Variants in CCHCR1 observed in about 807,000 individuals in gnomAD.
The protein encoded by CCHCR1 is coiled-coil alpha-helical rod protein 1, also known as HCR (a-helix coiled-coil rod homologue).
CCHCR1 carries 91 observed loss-of-function variants against 114.6 expected under a neutral mutation model. That is an observed-to-expected ratio of 0.79 (90% CI 0.67 to 0.94). CCHCR1 has a LOEUF of 0.94. Ranked by LOEUF, CCHCR1 falls within the 40% of genes least tolerant of loss-of-function variation. The pLI is 0.00. For synonymous variants in CCHCR1, 379 were observed against 428.5 expected (o/e 0.88, Z 1.43); for missense variants, 899 against 1,079.9 (o/e 0.83, Z 2.35).
intron 8 of CCHCR1, chr6:31,149,542 A>C (rs1465843367): frequency 6.6e-6 from 1 of 152,512 alleles, no homozygotes; most frequent in African/African-American, 2.4e-5. Context: ...TCCCAGCCTC[A>C]GGTGATCCTC....
At chr6:31,156,022 C>T (rs996076998) in intron 3 of CCHCR1, among the ~76,000 whole-genome samples, 7 of 152,206 alleles carry the variant, frequency 4.6e-5, no homozygotes, top group Non-Finnish European at 7.3e-5. Flanking sequence ...AGTGATCCTC[C>T]TGCCTCAGCT....
intron 17 of CCHCR1, 120 bp from the exon 18 acceptor site, chr6:31,142,836 G>A (rs1773730404): frequency 1.3e-6 from 2 of 1,498,074 alleles, no homozygotes; most frequent in African/African-American, 1.4e-5. Context: ...TCCAAGCTGG[G>A]CATCGCTAAA....
intron 1 of CCHCR1, 114 bp downstream of exon 1, chr6:31,157,271 G>T (rs1472374176): frequency 5.8e-6 from 6 of 1,043,098 alleles, no homozygotes; most frequent in Non-Finnish European, 8.6e-6. Flanking sequence ...TCTCAACCTG[G>T]TTCCTCATGG....
At chr6:31,155,850 T>C (rs928184440) in intron 3 of CCHCR1, among the ~76,000 whole-genome samples, 2 of 152,166 alleles carry the variant, frequency 1.3e-5, no homozygotes, top group Non-Finnish European at 2.9e-5. Flanking sequence ...GGCTGGATCA[T>C]AGGTCACTGC....
Position 31,150,309 on chromosome 6 carries a change from C to T in CCHCR1, c.1213-94G>A. 1 of 1,444,346 alleles carries T rather than the reference C, an allele frequency of 6.9e-7. No individual in the cohort carries two copies. Among genetic ancestry groups the T allele is most frequent in the Non-Finnish European group, 9.6e-7 (1 of 1,041,290 alleles). The allele number at this position is 1,444,346 out of a possible 1,614,324, so 89.5% of individuals were successfully genotyped here. A position where few individuals can be genotyped will look rare whatever the true frequency, so the allele number is the denominator to read the frequency against. On this transcript the variant is annotated intron_variant, in intron 7 of 17. Coordinates refer to ENST00000396268, the MANE Select transcript of CCHCR1 (RefSeq NM_001105564.2). This position sits in a 1 kb window ranked among gnomAD's most constrained non-coding sequence, Gnocchi z 5.3. ...TTTCTCCTCTGTCCTGCCTGGGCAA[C>T]ATGAGCTACAGCAAGAGGAGTTCAC...
In CCHCR1 at chr6:31,143,481, G is replaced by T; in HGVS notation, c.2168-68C>A. The T allele has an allele frequency of 6.4e-7, 1 of 1,561,074 alleles. No individual in the cohort carries two copies. On this transcript the variant is annotated intron_variant, in intron 15 of 17. Coordinates refer to ENST00000396268, the MANE Select transcript of CCHCR1 (RefSeq NM_001105564.2). The surrounding 1 kb of genome is among the most constrained non-coding windows in gnomAD (Gnocchi z 5.3). ...GCCAGAGGCAGCCAGGCACCATGAA[G>T]ACAGGAACAAACGCTGGGTCACCAA...
Position 31,154,881 on chromosome 6 carries a change from G to A in CCHCR1, c.498-82C>T. The stretch of plus-strand genomic sequence containing the variant: ...AGGGCATAAACATAGCCAGGAGAAG[G>A]AAAAGAGGACCCCTCTGCTTCCGTG... On this transcript the variant is annotated intron_variant, in intron 3 of 17. Coordinates refer to ENST00000396268, the MANE Select transcript of CCHCR1 (RefSeq NM_001105564.2). This position sits in a 1 kb window ranked among gnomAD's most constrained non-coding sequence, Gnocchi z 4.1. 1.9e-5 allele frequency: 25 copies of A among 1,323,632 alleles called. No homozygotes were observed. Among genetic ancestry groups the A allele is most frequent in the Non-Finnish European group, 2.5e-5 (25 of 985,680 alleles). 82.0% of individuals were successfully genotyped at this position (1,323,632 alleles called of 1,614,324 possible). A position where few individuals can be genotyped will look rare whatever the true frequency, so the allele number is the denominator to read the frequency against.
intron 17 of CCHCR1, 110 bp from the exon 18 acceptor site, chr6:31,142,826 T>C: frequency 1.3e-6 from 2 of 1,513,282 alleles, no homozygotes; most frequent in Non-Finnish European, 1.8e-6. Context: ...GGCTCTTTGG[T>C]CCAAGCTGGG....
chr6:31,147,871 C>A (rs1366554731), intron 10 of CCHCR1, among the ~76,000 whole-genome samples: 2 of 151,872 alleles, frequency 1.3e-5, no homozygotes, highest in African/African-American at 4.8e-5. Flanking sequence ...TCCAGCTACT[C>A]GGGAGGCTGA....
rs1581965971 is a variant in CCHCR1 at position 31,154,617 on chromosome 6, G to A, written c.680C>T (p.Ala227Val). ...CAGGCCCTCAGCCTCAGCTCGGCCG[G>A]CCTTCTCCGCCCGTGCCAGAGCCTC... ...ELEALARAEK[A>V]GRAEAEGLRA... is the part of the protein sequence containing the mutation. Residue 227 changes from alanine (A) to valine (V), a missense_variant, in exon 4 of 18, where the codon GCC (alanine) becomes GTC (valine). Ala to Val is a moderately conservative substitution (Grantham distance 64, BLOSUM62 0). Transcript: ENST00000396268. This position sits in a 1 kb window ranked among gnomAD's most constrained non-coding sequence, Gnocchi z 4.1. The A allele has an allele frequency of 1.2e-6, 2 of 1,612,934 alleles. No homozygotes were observed. The highest frequency in any genetic ancestry group is 1.7e-6 in the Non-Finnish European group (2 of 1,180,046).
chr6:31,155,353 C>G (rs369310028), intron 3 of CCHCR1, among the ~76,000 whole-genome samples: 7 of 151,980 alleles, frequency 4.6e-5, no homozygotes, highest in Non-Finnish European at 1.0e-4. Context: ...GCCTGTAATC[C>G]CAGCACTTTG....
Position 31,145,316 on chromosome 6 carries a change from GAGAA to G in CCHCR1, c.1740-18_1740-15del. 6.2e-7 allele frequency: 1 copy of G among 1,613,792 alleles called. No individual in the cohort carries two copies. Among genetic ancestry groups the G allele is most frequent in the Non-Finnish European group, 8.5e-7 (1 of 1,179,830 alleles). On this transcript the variant is annotated splice_polypyrimidine_tract_variant and intron_variant, in intron 12 of 17. Coordinates refer to ENST00000396268, the MANE Select transcript of CCHCR1 (RefSeq NM_001105564.2). The stretch of plus-strand genomic sequence containing the variant: ...GGTAGGGGACAGCTGGGACGGGGAA[GAGAA>G]AGAGTCAGAAGAAATCACCCAGCTG...
chr6:31,147,634 A>G (rs1774545578), intron 10 of CCHCR1, among the ~76,000 whole-genome samples: 1 of 152,212 alleles, frequency 6.6e-6, no homozygotes, highest in Non-Finnish European at 1.5e-5. Context: ...ATAGTAAGCA[A>G]GTTAAGTATA....
At position 31,145,806 on chromosome 6, in the gene CCHCR1, G is replaced by A; in HGVS notation, c.1583C>T (p.Ser528Phe). 4 of 1,603,310 alleles carry A rather than the reference G, an allele frequency of 2.5e-6. No individual in the cohort carries two copies. Among genetic ancestry groups the A allele is most frequent in the Non-Finnish European group, 2.6e-6 (3 of 1,171,140 alleles). Residue 528 changes from serine to phenylalanine, a missense_variant and splice_region_variant, in exon 11 of 18, where the codon TCT becomes TTT. Ser to Phe is a radical substitution (Grantham distance 155, BLOSUM62 -2). Coordinates refer to ENST00000396268, the MANE Select transcript of CCHCR1 (RefSeq NM_001105564.2). The stretch of plus-strand genomic sequence containing the variant: ...CATGGTGGTCTCGAGCCAGATCTGA[G>A]AGCTGGAGAGGGCACAAGTCACTGA... ...LRLVVNAVSS[S>F]QIWLETTMAK... is the part of the protein sequence containing the mutation.
At position 31,154,163 on chromosome 6, in the gene CCHCR1, T is replaced by C. The variant is rs1444294182; in HGVS notation, c.801+333A>G. On this transcript the variant is annotated intron_variant, in intron 4 of 17. Coordinates refer to ENST00000396268, the MANE Select transcript of CCHCR1 (RefSeq NM_001105564.2). The surrounding 1 kb of genome is among the most constrained non-coding windows in gnomAD (Gnocchi z 4.1). ...CTCCCAGTCCACCATAGCCCCCTTATACCCACCTTCCTCACTGCCCTCCAC... is the reference window on the plus strand; with the variant it reads ...CTCCCAGTCCACCATAGCCCCCTTACACCCACCTTCCTCACTGCCCTCCAC... 6.6e-6 allele frequency among the ~76,000 whole-genome samples: 1 copy of C among 152,142 alleles called. No individual in the cohort carries two copies. Among genetic ancestry groups the C allele is most frequent in the Non-Finnish European group, 1.5e-5 (1 of 68,022 alleles).
rs776386759 is a variant in CCHCR1 at position 31,143,065 on chromosome 6, GGGAA to G, written c.2385_2388del (p.Ser796TyrfsTer23). The G allele has an allele frequency of 1.9e-6, 3 of 1,613,038 alleles. No individual in the cohort carries two copies. The highest frequency in any genetic ancestry group is 1.3e-5 in the African/African-American group (1 of 75,028). Reference sequence around the variant, plus strand: ...ACCACAGATTTCTTCTTATCCAGTAGGGAAGGAAGAACTGTCAACAGTCGCTGCT... The same window carrying G: ...ACCACAGATTTCTTCTTATCCAGTAGGGAAGAACTGTCAACAGTCGCTGCT... On this transcript the variant is annotated frameshift_variant, in exon 17 of 18. Coordinates refer to ENST00000396268, the MANE Select transcript of CCHCR1 (RefSeq NM_001105564.2). LOFTEE classifies it high-confidence loss of function. The surrounding 1 kb of genome is among the most constrained non-coding windows in gnomAD (Gnocchi z 5.3).
At chr6:31,156,424 T>C in intron 3 of CCHCR1, 2 of 424,284 alleles carry the variant, frequency 4.7e-6, no homozygotes, top group Non-Finnish European at 4.2e-6. Flanking sequence ...ACCTCTAGTT[T>C]GCACTTCTTC....
chr6:31,142,589 T>G lies in CCHCR1; in HGVS notation c.*3A>C, dbSNP rs748802850. On this transcript the variant is annotated 3_prime_UTR_variant, in exon 18 of 18. Transcript: ENST00000396268. ...GCTGGCTTTCCCTCCAACTGTCAGCTGCTTAGCTGCTCATCTGGGGATTGG... is the reference window on the plus strand; with the variant it reads ...GCTGGCTTTCCCTCCAACTGTCAGCGGCTTAGCTGCTCATCTGGGGATTGG... The G allele has an allele frequency of 4.0e-5, 64 of 1,610,300 alleles. No individual in the cohort carries two copies. In the East Asian group the frequency reaches 1.4e-3, roughly 34 times the overall value.
rs1375860734 is a variant in CCHCR1 at position 31,144,171 on chromosome 6, TTTAG to T, written c.2167+512_2167+515del. Among the ~76,000 whole-genome samples the T allele has an allele frequency of 1.3e-5, 2 of 152,236 alleles. No homozygotes were observed. The highest frequency in any genetic ancestry group is 2.9e-5 in the Non-Finnish European group (2 of 68,040). ...AATGTGGCAAATGTTAACTGCTATA[TTTAG>T]TTAGAGAAGATACATTCATTACACA... On this transcript the variant is annotated intron_variant, in intron 15 of 17. Transcript: ENST00000396268. The surrounding 1 kb of genome is among the most constrained non-coding windows in gnomAD (Gnocchi z 4.6).
Sources: gnomAD v4.1 joint callset for allele counts (sites outside exome capture counted in the v4.1 genomes callset) on GRCh38, gnomAD v4.1.1 for gene constraint, Gnocchi (gnomAD v3.1) non-coding constraint, MANE v1.5 for transcripts, NCBI Gene and HGNC (gene_info 2026-07-23, HGNC 2026-07-21) for gene names.